The following FBXW7 variants were observed in gnomAD, a reference collection of about 807,000 sequenced individuals.
The protein encoded by FBXW7 is F-box and WD repeat domain containing 7.
FBXW7 carries 11 observed loss-of-function variants against 86.3 expected under a neutral mutation model. The observed-to-expected ratio is 0.13, with a 90% CI of 0.08 to 0.21. FBXW7 has a LOEUF of 0.21. FBXW7 is among the 10% of genes least tolerant of loss of function. The pLI is 1.00. For missense variants in FBXW7, 488 were observed against 847.4 expected (o/e 0.58, Z 5.27); for synonymous variants, 313 against 297.9 (o/e 1.05, Z -0.52).
Position 152,535,913 on chromosome 4 carries a change from C to T in FBXW7, c.-999G>A. On this transcript the variant is annotated 5_prime_UTR_variant, in exon 1 of 14. Transcript: ENST00000281708. The stretch of plus-strand genomic sequence containing the variant: ...GGGAAAGGAGTGCGGCCGCGGCTCC[C>T]GCTGGCCCAGGTGAGAGCGAAGGTC... 2.9e-6 allele frequency: 1 copy of T among 344,038 alleles called. No individual in the cohort carries two copies. Among genetic ancestry groups the T allele is most frequent in the Non-Finnish European group, 5.2e-6 (1 of 190,622 alleles). The allele number at this position is 344,038 out of a possible 1,614,324, so 21.3% of individuals were successfully genotyped here. A position where few individuals can be genotyped will look rare whatever the true frequency, so the allele number is the denominator to read the frequency against.
chr4:152,411,582 T>G lies in FBXW7; in HGVS notation c.222A>C (p.Gln74His). 1 of 1,613,948 alleles carries G rather than the reference T, an allele frequency of 6.2e-7. No individual in the cohort carries two copies. The highest frequency in any genetic ancestry group is 8.5e-7 in the Non-Finnish European group (1 of 1,179,886). Reference sequence around the variant, plus strand: ...TATTATTGTTTTCTTCCAACTGTCCTTGCTGGGAATCATTTTGGCCTCCAG... The same window carrying G: ...TATTATTGTTTTCTTCCAACTGTCCGTGCTGGGAATCATTTTGGCCTCCAG... ...PRPGGQNDSQ[Q>H]GQLEENNNRF... The change falls in exon 4 of 14, where the codon CAA (glutamine) becomes CAC (histidine). Residue 74 changes from glutamine to histidine, a missense_variant. Physicochemically the swap from Gln to His is conservative, Grantham distance 24. Around this residue, in one of 4 missense-constraint regions of FBXW7, gnomAD observed 230 missense variants for 240.0 expected, o/e 0.96. Coordinates refer to ENST00000281708, the MANE Select transcript of FBXW7 (RefSeq NM_001349798.2).
At chr4:152,515,971 T>C (rs1748452660) in intron 2 of FBXW7, among the ~76,000 whole-genome samples, 2 of 152,210 alleles carry the variant, frequency 1.3e-5, no homozygotes, top group Admixed American at 1.3e-4. Flanking sequence ...AAGTGGTCCC[T>C]GGCTGACAGC....
At position 152,322,378 on chromosome 4, in the gene FBXW7, T is replaced by C; in HGVS notation, c.*503A>G. ...ATAACTGTACAAAAACAATTCACAG[T>C]AATTTTTTTAAGCTTTTCCACTCCA... On this transcript the variant is annotated 3_prime_UTR_variant, in exon 14 of 14. Transcript: ENST00000281708. The C allele has an allele frequency of 4.4e-6, 1 of 229,240 alleles. No homozygotes were observed. The highest frequency in any genetic ancestry group is 5.6e-5 in the Admixed American group (1 of 17,830). 14.2% of individuals were successfully genotyped at this position (229,240 alleles called of 1,614,324 possible).
At chr4:152,413,243 C>T (rs946241511) in intron 2 of FBXW7, among the ~76,000 whole-genome samples, 1 of 151,976 alleles carries the variant, frequency 6.6e-6, no homozygotes, top group Non-Finnish European at 1.5e-5. Flanking sequence ...TACCATAATA[C>T]AAAATGTCAA....
chr4:152,414,938 C>T (rs1419458103), intron 2 of FBXW7, among the ~76,000 whole-genome samples: 2 of 152,078 alleles, frequency 1.3e-5, no homozygotes, highest in African/African-American at 2.4e-5. Flanking sequence ...TAGTGACTAT[C>T]CTTTGTTGAT....
At chr4:152,366,100 AAAT>A (rs1733451768) in intron 4 of FBXW7, among the ~76,000 whole-genome samples, 1 of 152,222 alleles carries the variant, frequency 6.6e-6, no homozygotes, top group African/African-American at 2.4e-5. Flanking sequence ...ATAATTTTCT[AAAT>A]AAGAAATGAT....
intron 4 of FBXW7, among the ~76,000 whole-genome samples, chr4:152,391,101 T>C (rs542731218): frequency 3.2e-4 from 48 of 152,078 alleles, no homozygotes; most frequent in Non-Finnish European, 5.6e-4. Context: ...AAGATAAACA[T>C]AGTACCATAC....
chr4:152,521,590 AG>A (rs1749018233), intron 2 of FBXW7, among the ~76,000 whole-genome samples: 1 of 152,176 alleles, frequency 6.6e-6, no homozygotes, highest in Non-Finnish European at 1.5e-5. Context: ...CAGAAAAGTC[AG>A]TACATTCAAA....
At chr4:152,376,821 G>A (rs992681382) in intron 4 of FBXW7, among the ~76,000 whole-genome samples, 3 of 152,018 alleles carry the variant, frequency 2.0e-5, no homozygotes, top group Non-Finnish European at 4.4e-5. Flanking sequence ...AGACCCTGAA[G>A]TATCATCCCT....
At chr4:152,504,344 T>C (rs1458579443) in intron 2 of FBXW7, among the ~76,000 whole-genome samples, 1 of 152,176 alleles carries the variant, frequency 6.6e-6, no homozygotes, top group Admixed American at 6.5e-5. Context: ...TCAACATATA[T>C]AAATTTTAAT....
In FBXW7 at chr4:152,328,189, T is replaced by C. The variant is rs1029063305; in HGVS notation, c.1418+19A>G. 3.8e-6 allele frequency: 6 copies of C among 1,576,860 alleles called. No homozygotes were observed. The Admixed American group carries it at 7.5e-5, about 20-fold the overall frequency. On this transcript the variant is annotated intron_variant, in intron 11 of 13. Coordinates refer to ENST00000281708, the MANE Select transcript of FBXW7 (RefSeq NM_001349798.2). ...ATAATAGAGGAAGAAGTCCCAACCA[T>C]GACAAGATTTTCCCTTACCTTTTTT...
chr4:152,389,094 C>T (rs1735781561), intron 4 of FBXW7, among the ~76,000 whole-genome samples: 1 of 151,968 alleles, frequency 6.6e-6, no homozygotes, highest in South Asian at 2.1e-4. Context: ...TCTCATCTCA[C>T]ACCATTCAGA....
intron 4 of FBXW7, among the ~76,000 whole-genome samples, chr4:152,363,918 T>G (rs1205308637): frequency 6.6e-6 from 1 of 152,112 alleles, no homozygotes; most frequent in Non-Finnish European, 1.5e-5. Context: ...AAAATAGGGT[T>G]CTCTATATAC....
intron 2 of FBXW7, among the ~76,000 whole-genome samples, chr4:152,450,563 G>T (rs996826979): frequency 1.3e-5 from 2 of 152,146 alleles, no homozygotes; most frequent in Admixed American, 6.6e-5. Flanking sequence ...CCTAGCAAAT[G>T]GGTAAGCTAG....
At chr4:152,415,480 C>A (rs1001834140) in intron 2 of FBXW7, among the ~76,000 whole-genome samples, 2 of 152,060 alleles carry the variant, frequency 1.3e-5, no homozygotes, top group African/African-American at 4.8e-5. Context: ...TTAGGATTTT[C>A]ACTGAATTCT....
intron 2 of FBXW7, among the ~76,000 whole-genome samples, chr4:152,486,026 A>G (rs938739990): frequency 3.9e-5 from 6 of 152,328 alleles, no homozygotes; most frequent in South Asian, 4.1e-4. Flanking sequence ...CCTGTATACC[A>G]TATTACTGTA....
chr4:152,325,261 A>G (rs1168191883), intron 12 of FBXW7: 1 of 152,172 alleles, frequency 6.6e-6, no homozygotes, highest in African/African-American at 2.4e-5. Context: ...AAAGAAACAA[A>G]TATCCTAAGA....
At chr4:152,404,153 A>C (rs1328644014) in intron 4 of FBXW7, among the ~76,000 whole-genome samples, 1 of 152,164 alleles carries the variant, frequency 6.6e-6, no homozygotes, top group Non-Finnish European at 1.5e-5. Context: ...TTTCCACTAT[A>C]TTCAGCTGCA....
intron 2 of FBXW7, among the ~76,000 whole-genome samples, chr4:152,415,882 C>A (rs1345737106): frequency 6.6e-6 from 1 of 152,020 alleles, no homozygotes; most frequent in Non-Finnish European, 1.5e-5. Flanking sequence ...TTCAAATGTC[C>A]CCTATTCAAT....
Sources: gnomAD v4.1 joint callset for allele counts (sites outside exome capture counted in the v4.1 genomes callset) on GRCh38, gnomAD v4.1.1 for gene constraint, gnomAD v4.1.1 regional missense constraint, MANE v1.5 for transcripts, NCBI Gene and HGNC (gene_info 2026-07-23, HGNC 2026-07-21) for gene names.